Variants in FRYL observed in about 807,000 individuals in gnomAD.
FRYL encodes FRY like transcription coactivator.
Under a neutral mutation model 351.2 loss-of-function variants are expected in FRYL, and 150 were observed. The ratio of observed to expected loss-of-function variants is 0.43; its 90% confidence interval spans 0.37 to 0.49. The LOEUF is 0.49. FRYL is among the 20% of genes least tolerant of loss of function. The pLI is 0.00. For missense variants in FRYL, 3,036 were observed against 3,619.3 expected, an observed-to-expected ratio of 0.84 and a Z score of 4.13; for synonymous variants, 1,153 against 1,257.1, an observed-to-expected ratio of 0.92 and a Z score of 1.75.
intron 47 of FRYL, among the ~76,000 whole-genome samples, chr4:48,537,930 G>A (rs1560560291): frequency 6.6e-6 from 1 of 152,024 alleles, no homozygotes; most frequent in Non-Finnish European, 1.5e-5. Flanking sequence ...AAACCCCCAA[G>A]TAAACCAATA....
rs573603384 is a variant in FRYL at position 48,750,135 on chromosome 4, TA to T, written c.-384+29942del. On this transcript the variant is annotated intron_variant, in intron 1 of 63. Transcript: ENST00000358350. The stretch of plus-strand genomic sequence containing the variant: ...GTTGATAGAACAAGACTCCATCTAT[TA>T]AAAAAAAAAAAAAAAAAGAAAGAAA... Among the ~76,000 whole-genome samples, 694 of 77,914 alleles carry T rather than the reference TA, an allele frequency of 8.9e-3. 2 individuals carry two copies. Among genetic ancestry groups the T allele is most frequent in the Non-Finnish European group, 0.011 (432 of 37,578 alleles). 51.1% of individuals were successfully genotyped at this position (77,914 alleles called of 152,430 possible). A position where few individuals can be genotyped will look rare whatever the true frequency, so the allele number is the denominator to read the frequency against.
chr4:48,608,927 T>C (rs1747436137), intron 9 of FRYL, 60 bp downstream of exon 9: 10 of 994,888 alleles, frequency 1.0e-5, no homozygotes, highest in East Asian at 2.4e-5. Flanking sequence ...ATTGTATTCA[T>C]TGGTAATGAA....
At chr4:48,736,866 AAAAAG>A (rs1165510964) in intron 1 of FRYL, among the ~76,000 whole-genome samples, 2 of 150,228 alleles carry the variant, frequency 1.3e-5, no homozygotes, top group East Asian at 1.9e-4. Context: ...AAAAAAAAAA[AAAAAG>A]AAAAAAGAAA....
In FRYL at chr4:48,755,950, A is replaced by G. The variant is rs534429058; in HGVS notation, c.-384+24128T>C. On this transcript the variant is annotated intron_variant, in intron 1 of 63. Coordinates refer to ENST00000358350, the MANE Select transcript of FRYL (RefSeq NM_015030.2). ...AAAAATTCAATTAAAAAAAAAAAAGAGGCCAGGTTTGGTGGCTTATGCCAC... is the reference window on the plus strand; with the variant it reads ...AAAAATTCAATTAAAAAAAAAAAAGGGGCCAGGTTTGGTGGCTTATGCCAC... Among the ~76,000 whole-genome samples, 12 of 151,626 alleles carry G rather than the reference A, an allele frequency of 7.9e-5. No individual in the cohort carries two copies. The South Asian group carries it at 2.5e-3, about 32-fold the overall frequency.
At chr4:48,537,393 A>C (rs1729121621) in intron 47 of FRYL, among the ~76,000 whole-genome samples, 1 of 152,188 alleles carries the variant, frequency 6.6e-6, no homozygotes, top group African/African-American at 2.4e-5. Context: ...CTTTTTTAGC[A>C]TACTATTTTT....
Position 48,542,140 on chromosome 4 carries a change from A to G in FRYL, c.5593-19T>C, listed in dbSNP as rs1209036818. The G allele has an allele frequency of 2.0e-6, 3 of 1,529,502 alleles. No individual in the cohort carries two copies. The highest frequency in any genetic ancestry group is 2.7e-6 in the Non-Finnish European group (3 of 1,103,222). 94.7% of individuals were successfully genotyped at this position (1,529,502 alleles called of 1,614,324 possible). ...CAAATCCCTGGGGGGAAAAAGGCAG[A>G]TTTTAATTAATTATGCTCTGGAATA... On this transcript the variant is annotated intron_variant, in intron 44 of 63. Transcript: ENST00000358350.
At chr4:48,645,613 T>C (rs1157804100) in intron 3 of FRYL, among the ~76,000 whole-genome samples, 1 of 152,152 alleles carries the variant, frequency 6.6e-6, no homozygotes, top group Non-Finnish European at 1.5e-5. Context: ...TCTCTGGCCA[T>C]ACCTTAAGTC....
chr4:48,659,478 G>A (rs182839028), intron 3 of FRYL, among the ~76,000 whole-genome samples: 3 of 2,464 alleles, frequency 1.2e-3, no homozygotes, highest in African/African-American at 1.6e-3. Flanking sequence ...AGGGAGAAGA[G>A]GAAGAGGGAG....
chr4:48,704,546 C>T (rs1410858515), intron 2 of FRYL, among the ~76,000 whole-genome samples: 4 of 152,208 alleles, frequency 2.6e-5, no homozygotes, highest in Admixed American at 6.5e-5. Context: ...GGCATGGTGA[C>T]TCACGTCTGT....
intron 1 of FRYL, among the ~76,000 whole-genome samples, chr4:48,733,792 A>G (rs1770994198): frequency 6.6e-6 from 1 of 152,134 alleles, no homozygotes; most frequent in Admixed American, 6.6e-5. Flanking sequence ...CAAACTCTCA[A>G]GCAACCACTT....
chr4:48,592,729 ACC>A (rs1348687419), intron 16 of FRYL, among the ~76,000 whole-genome samples: 1 of 152,150 alleles, frequency 6.6e-6, no homozygotes, highest in East Asian at 1.9e-4. Flanking sequence ...GGATACATGT[ACC>A]CCCAACAAGT....
chr4:48,509,605 C>A (rs144713030), intron 59 of FRYL, among the ~76,000 whole-genome samples: 2 of 152,302 alleles, frequency 1.3e-5, no homozygotes, highest in African/African-American at 4.8e-5. Context: ...GTTTTCAATG[C>A]CAGATTGGAC....
chr4:48,587,297 T>C (rs1399124833), intron 18 of FRYL, among the ~76,000 whole-genome samples: 4 of 152,044 alleles, frequency 2.6e-5, no homozygotes, highest in African/African-American at 9.7e-5. Context: ...AGCCAAGTTT[T>C]TGAAAATCCT....
At chr4:48,677,124 G>A (rs1361304107) in intron 3 of FRYL, among the ~76,000 whole-genome samples, 1 of 151,938 alleles carries the variant, frequency 6.6e-6, no homozygotes, top group East Asian at 1.9e-4. Context: ...GAACTTCTAG[G>A]AAAATTTTTA....
At chr4:48,656,234 GAATA>G (rs1758941905) in intron 3 of FRYL, among the ~76,000 whole-genome samples, 2 of 127,282 alleles carry the variant, frequency 1.6e-5, no homozygotes, top group South Asian at 4.9e-4. Flanking sequence ...ATGAAAATTT[GAATA>G]TATATTATGA....
Position 48,515,221 on chromosome 4 carries a change from A to C in FRYL, c.7744T>G (p.Ser2582Ala), listed in dbSNP as rs1723315024. The C allele has an allele frequency of 6.2e-7, 1 of 1,611,674 alleles. No homozygotes were observed. Among genetic ancestry groups the C allele is most frequent in the South Asian group, 1.1e-5 (1 of 91,056 alleles). The change falls in exon 56 of 64, where the codon TCC (serine) becomes GCC (alanine). Residue 2582 changes from serine to alanine, a missense_variant. This residue lies in a region of FRYL where 1,987 missense variants were observed against 2,311.7 expected (regional missense o/e 0.86). Coordinates refer to ENST00000358350, the MANE Select transcript of FRYL (RefSeq NM_015030.2). ...EHVTTFEDEGSYIIQEQQESL... is the reference protein window; with the variant it reads ...EHVTTFEDEGAYIIQEQQESL... ...TCCTGCTGTTCTTGAATTATATAGG[A>C]TCCTTCATCTTCAAAGGTTGTAACA...
chr4:48,586,861 C>T, intron 18 of FRYL, 133 bp from the exon 19 acceptor site: 1 of 576,474 alleles, frequency 1.7e-6, no homozygotes, highest in East Asian at 3.2e-5. Context: ...TAAAAATGCA[C>T]ATAAATCCTG....
At chr4:48,595,364 T>C (rs932993999) in intron 15 of FRYL, among the ~76,000 whole-genome samples, 6 of 152,188 alleles carry the variant, frequency 3.9e-5, no homozygotes, top group Non-Finnish European at 5.9e-5. Flanking sequence ...AGGTAATTAG[T>C]AAATGCACTA....
chr4:48,748,308 G>A (rs1772887086), intron 1 of FRYL, among the ~76,000 whole-genome samples: 1 of 151,900 alleles, frequency 6.6e-6, no homozygotes, highest in Non-Finnish European at 1.5e-5. Flanking sequence ...ACATCCATTC[G>A]CCACTCCTGT....
Sources: gnomAD v4.1 joint callset for allele counts (sites outside exome capture counted in the v4.1 genomes callset) on GRCh38, gnomAD v4.1.1 for gene constraint, gnomAD v4.1.1 regional missense constraint, MANE v1.5 for transcripts, NCBI Gene and HGNC (gene_info 2026-07-23, HGNC 2026-07-21) for gene names.